SRRM1: variants seen among roughly 807,000 people sequenced by gnomAD.
SRRM1 encodes serine and arginine repetitive matrix 1.
Under a neutral mutation model 110.2 loss-of-function variants are expected in SRRM1, and 19 were observed. The ratio of observed to expected loss-of-function variants is 0.17; its 90% CI spans 0.12 to 0.25. The LOEUF is 0.25. Ranked by LOEUF, SRRM1 falls within the 10% of genes least tolerant of loss-of-function variation. SRRM1 has a pLI of 1.00. For synonymous variants in SRRM1, 443 were observed against 414.9 expected, an observed-to-expected ratio of 1.07 and a Z score of -0.82; for missense variants, 918 against 1,145.8, an observed-to-expected ratio of 0.80 and a Z score of 2.87.
rs767031211 is a variant in SRRM1, at chr1:24,655,038, A to G, written c.1224A>G (p.Pro408=). 2.5e-6 allele frequency: 4 copies of G among 1,614,024 alleles called. No homozygotes were observed. The highest frequency in any genetic ancestry group is 2.2e-5 in the East Asian group (1 of 44,874). ...RHRPSPPATP[P]PKTRHSPTPQ... ...GGCCATCACCTCCTGCAACTCCACC[A>G]CCCAAAACTCGGCATTCCCCTACAC... The change falls in exon 9 of 17, where the codon CCA becomes CCG. Residue 408 remains proline (P), a synonymous_variant. Transcript: ENST00000323848.
At position 24,670,153 on chromosome 1, in the gene SRRM1, G is replaced by A. The variant is rs1474204950; in HGVS notation, c.2238G>A (p.Arg746=). The A allele has an allele frequency of 6.2e-7, 1 of 1,610,890 alleles. No homozygotes were observed. The highest frequency in any genetic ancestry group is 8.5e-7 in the Non-Finnish European group (1 of 1,178,854). ...AASPSPQSVR[R]VSSSRSVSGS... ...CCCCAAGCCCACAGTCTGTAAGAAG[G>A]GTCTCATCCTCCCGATCTGTCTCCG... is the stretch of plus-strand genomic sequence containing the variant. The change falls in exon 15 of 17, where the codon AGG becomes AGA. Residue 746 remains arginine, a synonymous_variant. Transcript: ENST00000323848.
chr1:24,665,551 A>C (rs1235848592), intron 12 of SRRM1, among the ~76,000 whole-genome samples: 3 of 152,102 alleles, frequency 2.0e-5, no homozygotes, highest in Non-Finnish European at 4.4e-5. Context: ...GTCTCTACTA[A>C]AAATACAAAA....
At chr1:24,651,866 A>G (rs993297309) in intron 6 of SRRM1, among the ~76,000 whole-genome samples, 1 of 150,826 alleles carries the variant, frequency 6.6e-6, no homozygotes, top group Admixed American at 6.6e-5. Context: ...TCCTCAACGT[A>G]TTGTGGACAA....
At chr1:24,646,541 T>A (rs1016368694) in intron 2 of SRRM1, 126 bp from the exon 3 acceptor site, 39 of 656,970 alleles carry the variant, frequency 5.9e-5, no homozygotes, top group African/African-American at 3.2e-4. Context: ...AAAAAAAAAA[T>A]TAGCAGATTC....
At chr1:24,663,751 C>T (rs1354028596) in intron 12 of SRRM1, among the ~76,000 whole-genome samples, 1 of 151,716 alleles carries the variant, frequency 6.6e-6, no homozygotes, top group Non-Finnish European at 1.5e-5. Flanking sequence ...TTGGCGCGTG[C>T]CTGTAATCCC....
At position 24,673,068 on chromosome 1, in the gene SRRM1, C is replaced by T. The variant is rs541399820; in HGVS notation, c.*782C>T. On this transcript the variant is annotated 3_prime_UTR_variant, in exon 17 of 17. Transcript: ENST00000323848. ...TTTAATGAAATGTCATGGCTCTGTT[C>T]ATATTTTTGTCTTGTTCTTCCAATT... 6.6e-6 allele frequency: 1 copy of T among 152,094 alleles called. No homozygotes were observed. The highest frequency in any genetic ancestry group is 2.4e-5 in the African/African-American group (1 of 41,482). 9.4% of individuals were successfully genotyped at this position (152,094 alleles called of 1,614,324 possible). A position where few individuals can be genotyped will look rare whatever the true frequency, so the allele number is the denominator to read the frequency against.
rs201951648 is a variant in SRRM1 at position 24,652,490 on chromosome 1, C to T, written c.782C>T (p.Pro261Leu). The change falls in exon 7 of 17, where the codon CCG becomes CTG. Residue 261 changes from proline to leucine, a missense_variant. By Grantham distance (98) the Pro-to-Leu change is moderately conservative (BLOSUM62 -3). Transcript: ENST00000323848. Reference sequence around the variant, plus strand: ...ATACCAGAGCCTAAAGAACCTTCTCCGGAAAAAAATTCCAAAAAAGAAAAG... The same window carrying T: ...ATACCAGAGCCTAAAGAACCTTCTCTGGAAAAAAATTCCAAAAAAGAAAAG... The part of the protein sequence containing the change: ...EPIPEPKEPS[P>L]EKNSKKEKEK... 5.3e-5 allele frequency: 85 copies of T among 1,611,662 alleles called. No homozygotes were observed. The highest frequency in any genetic ancestry group is 2.2e-4 in the Admixed American group (13 of 59,834).
At chr1:24,646,839 GA>G (rs1472889519) in intron 3 of SRRM1, 50 bp downstream of exon 3, 1 of 1,476,784 alleles carries the variant, frequency 6.8e-7, no homozygotes, top group Non-Finnish European at 9.0e-7. Flanking sequence ...TATAATTTGT[GA>G]ATCTTTGGAA....
At position 24,646,792 on chromosome 1, in the gene SRRM1, A is replaced by G; in HGVS notation, c.234+3A>G. The G allele has an allele frequency of 6.4e-7, 1 of 1,574,432 alleles. No homozygotes were observed. The highest frequency in any genetic ancestry group is 8.6e-7 in the Non-Finnish European group (1 of 1,166,894). On this transcript the variant is annotated splice_donor_region_variant and intron_variant, in intron 3 of 16. Coordinates refer to ENST00000323848, the MANE Select transcript of SRRM1 (RefSeq NM_005839.4). ...TATTCAACCAGCTGGAAGTGAAGGT[A>G]CTAATATACAAATGGCTCTTGTTTC...
At chr1:24,643,585 TGGC>T (rs1194428974) in intron 1 of SRRM1, 2 of 396,466 alleles carry the variant, frequency 5.0e-6, no homozygotes, top group Non-Finnish European at 8.6e-6. Flanking sequence ...GGCCGGAAAA[TGGC>T]GGCGGGAATG....
At chr1:24,648,041 A>T (rs1231375349) in intron 3 of SRRM1, 3 of 152,234 alleles carry the variant, frequency 2.0e-5, no homozygotes, top group Non-Finnish European at 4.4e-5. Flanking sequence ...ATATAACATT[A>T]AACTCAAGGT....
intron 6 of SRRM1, 104 bp downstream of exon 6, chr1:24,651,716 ATT>A: frequency 1.1e-6 from 1 of 946,716 alleles, no homozygotes; most frequent in Non-Finnish European, 1.6e-6. Context: ...TTCCTTTTAG[ATT>A]TTTTAAATTA....
Position 24,655,046 on chromosome 1 carries a change from C to G in SRRM1, c.1232C>G (p.Thr411Ser). ...PSPPATPPPK[T>S]RHSPTPQQSN... is the part of the protein sequence containing the mutation. ...CCTCCTGCAACTCCACCACCCAAAA[C>G]TCGGCATTCCCCTACACCCCAGCAG... The change falls in exon 9 of 17, where the codon ACT (threonine) becomes AGT (serine). Residue 411 changes from threonine to serine, a missense_variant. This residue lies in a region of SRRM1 where 456 missense variants were observed against 453.5 expected (regional missense o/e 1.01). Transcript: ENST00000323848. The G allele has an allele frequency of 6.2e-7, 1 of 1,614,204 alleles. No homozygotes were observed. Among genetic ancestry groups the G allele is most frequent in the Non-Finnish European group, 8.5e-7 (1 of 1,180,042 alleles).
chr1:24,669,047 A>G (rs994428186), intron 13 of SRRM1, 76 bp from the exon 14 acceptor site: 7 of 1,292,200 alleles, frequency 5.4e-6, no homozygotes, highest in Non-Finnish European at 7.6e-6. Context: ...CAGTATAGCC[A>G]AACCTACTGA....
At chr1:24,663,910 AT>A in intron 12 of SRRM1, among the ~76,000 whole-genome samples, 1 of 148,116 alleles carries the variant, frequency 6.8e-6, no homozygotes, top group African/African-American at 2.5e-5. Context: ...AATAATAATA[AT>A]AATAAATAAA....
intron 6 of SRRM1, among the ~76,000 whole-genome samples, chr1:24,652,156 G>C (rs1326115625): frequency 1.3e-5 from 2 of 149,282 alleles, no homozygotes; most frequent in East Asian, 2.0e-4. Context: ...GGAGGTTGAA[G>C]CTGCAGTGAG....
chr1:24,650,475 T>A (rs1278349004), intron 5 of SRRM1: 1 of 153,256 alleles, frequency 6.5e-6, no homozygotes, highest in East Asian at 1.9e-4. Context: ...TAGCCGTTCA[T>A]GTAATACTTA....
chr1:24,660,102 T>C (rs1666370116), intron 9 of SRRM1, among the ~76,000 whole-genome samples: 1 of 152,262 alleles, frequency 6.6e-6, no homozygotes, highest in South Asian at 2.1e-4. Flanking sequence ...CTTAATCATT[T>C]ATCATCTTTT....
At chr1:24,660,128 C>G (rs1183162415) in intron 9 of SRRM1, among the ~76,000 whole-genome samples, 1 of 152,122 alleles carries the variant, frequency 6.6e-6, no homozygotes, top group African/African-American at 2.4e-5. Context: ...TCTGAACCCA[C>G]CTATTGTGGT....
Sources: gnomAD v4.1 joint callset for allele counts (sites outside exome capture counted in the v4.1 genomes callset) on GRCh38, gnomAD v4.1.1 for gene constraint, gnomAD v4.1.1 regional missense constraint, MANE v1.5 for transcripts, NCBI Gene and HGNC (gene_info 2026-07-23, HGNC 2026-07-21) for gene names.